ARHGAP28: variants seen among roughly 807,000 people sequenced by gnomAD.
ARHGAP28 encodes rho GTPase-activating protein 28.
Under a neutral mutation model 90.7 loss-of-function variants are expected in ARHGAP28, and 56 were observed. That is an observed-to-expected ratio of 0.62 (90% CI 0.50 to 0.77). ARHGAP28 has a LOEUF of 0.77. ARHGAP28 is among the 30% of genes least tolerant of loss of function. ARHGAP28 has a pLI of 0.00. For missense variants in ARHGAP28, 869 were observed against 900.9 expected (o/e 0.96, Z 0.45); for synonymous variants, 308 against 323.3 (o/e 0.95, Z 0.51).
chr18:6,893,820 CAAAG>C, intron 14 of ARHGAP28, among the ~76,000 whole-genome samples: 1 of 148,400 alleles, frequency 6.7e-6, no homozygotes, highest in East Asian at 2.0e-4. Context: ...CACTTAAAGA[CAAAG>C]AAATAGTTTT....
At chr18:6,767,324 T>G (rs2143379422) in intron 1 of ARHGAP28, among the ~76,000 whole-genome samples, 1 of 152,316 alleles carries the variant, frequency 6.6e-6, no homozygotes, top group Admixed American at 6.5e-5. Flanking sequence ...TTATCATTTT[T>G]GTTTCATACA....
At chr18:6,739,384 A>T (rs938981469) in intron 1 of ARHGAP28, among the ~76,000 whole-genome samples, 2 of 152,060 alleles carry the variant, frequency 1.3e-5, no homozygotes, top group African/African-American at 4.8e-5. Flanking sequence ...GTATGAATGG[A>T]TATATGAAAT....
At chr18:6,818,709 T>C (rs1189466851) in intron 1 of ARHGAP28, among the ~76,000 whole-genome samples, 1 of 152,144 alleles carries the variant, frequency 6.6e-6, no homozygotes, top group African/African-American at 2.4e-5. Context: ...CAGAAATTGC[T>C]TGGGGAGAAA....
intron 7 of ARHGAP28, 118 bp downstream of exon 7, chr18:6,870,850 G>T (rs559886160): frequency 1.7e-5 from 19 of 1,101,930 alleles, no homozygotes; most frequent in Admixed American, 5.4e-5. Flanking sequence ...CCCCAGGCTG[G>T]AGTGCAGTGG....
chr18:6,745,429 A>T (rs2056014677), intron 1 of ARHGAP28, among the ~76,000 whole-genome samples: 1 of 152,158 alleles, frequency 6.6e-6, no homozygotes, highest in African/African-American at 2.4e-5. Flanking sequence ...GACCTCCAGG[A>T]TTTCTGAAGC....
At chr18:6,779,226 A>G (rs1361212632) in intron 1 of ARHGAP28, among the ~76,000 whole-genome samples, 1 of 152,236 alleles carries the variant, frequency 6.6e-6, no homozygotes, top group African/African-American at 2.4e-5. Context: ...TGTGTACTGC[A>G]TATGAAAATA....
At chr18:6,875,074 A>G (rs2057120634) in intron 9 of ARHGAP28, 1 of 152,232 alleles carries the variant, frequency 6.6e-6, no homozygotes, top group Admixed American at 6.5e-5. Flanking sequence ...TAAAGGACAG[A>G]GTTTAAAATA....
At chr18:6,783,823 A>G (rs2056346084) in intron 1 of ARHGAP28, among the ~76,000 whole-genome samples, 1 of 152,004 alleles carries the variant, frequency 6.6e-6, no homozygotes. Flanking sequence ...ATCCCTAGGA[A>G]AACTGCGTTC....
At position 6,870,592 on chromosome 18, in the gene ARHGAP28, G is replaced by A. The variant is rs768630189; in HGVS notation, c.814G>A (p.Asp272Asn). The change falls in exon 7 of 18, where the codon GAT becomes AAT. Residue 272 changes from aspartate (D) to asparagine (N), a missense_variant and splice_region_variant. Physicochemically the swap from Asp to Asn is conservative, Grantham distance 23. Transcript: ENST00000383472. ...GQPVQNAISD[D>N]DFLEKNIPPE... ...TGTATTCTTTGTTTTGTCTTTAGATGATGATTTTCTGGAAAAGAACATTCC... is the reference window on the plus strand; with the variant it reads ...TGTATTCTTTGTTTTGTCTTTAGATAATGATTTTCTGGAAAAGAACATTCC... 6.2e-7 allele frequency: 1 copy of A among 1,608,784 alleles called. No individual in the cohort carries two copies. Among genetic ancestry groups the A allele is most frequent in the Non-Finnish European group, 8.5e-7 (1 of 1,176,856 alleles).
At chr18:6,911,455 A>G (rs933513905) in intron 17 of ARHGAP28, among the ~76,000 whole-genome samples, 10 of 61,000 alleles carry the variant, frequency 1.6e-4, no homozygotes, top group Admixed American at 2.8e-4. Context: ...CTTTTCTTTG[A>G]GACGGGATCT....
rs546951156 is a variant in ARHGAP28 at position 6,780,841 on chromosome 18, G to A, written c.123-43921G>A. Among the ~76,000 whole-genome samples the A allele has an allele frequency of 5.4e-5, 8 of 149,518 alleles. No individual in the cohort carries two copies. The East Asian group carries it at 5.9e-4, about 11-fold the overall frequency. On this transcript the variant is annotated intron_variant, in intron 1 of 17. Coordinates refer to ENST00000383472, the MANE Select transcript of ARHGAP28 (RefSeq NM_001366230.1). The stretch of plus-strand genomic sequence containing the variant: ...CGGGAGGTGGAGGTTGCAGTGAGCC[G>A]AGATCACGCCATTTGCACTCCAGCC...
At chr18:6,786,995 G>A (rs1461815492) in intron 1 of ARHGAP28, among the ~76,000 whole-genome samples, 3 of 151,848 alleles carry the variant, frequency 2.0e-5, no homozygotes, top group Non-Finnish European at 2.9e-5. Flanking sequence ...TGATGCCGAC[G>A]GATCACCTGA....
chr18:6,798,028 T>C (rs2143603757), intron 1 of ARHGAP28, among the ~76,000 whole-genome samples: 1 of 151,050 alleles, frequency 6.6e-6, no homozygotes, highest in East Asian at 2.0e-4. Context: ...TTTGAAAAGA[T>C]TTATTTTAAT....
intron 4 of ARHGAP28, among the ~76,000 whole-genome samples, chr18:6,858,104 G>A (rs1418959472): frequency 6.6e-6 from 1 of 151,942 alleles, no homozygotes; most frequent in Non-Finnish European, 1.5e-5. Flanking sequence ...CTCAAACTAG[G>A]AATTCATTCA....
chr18:6,879,892 C>T (rs1022579677), intron 10 of ARHGAP28, among the ~76,000 whole-genome samples: 15 of 152,128 alleles, frequency 9.9e-5, no homozygotes, highest in African/African-American at 3.6e-4. Flanking sequence ...TTGCTGAGTT[C>T]GGATAAAAGC....
chr18:6,774,847 G>A (rs934663773), intron 1 of ARHGAP28, among the ~76,000 whole-genome samples: 1 of 152,184 alleles, frequency 6.6e-6, no homozygotes, highest in Non-Finnish European at 1.5e-5. Flanking sequence ...GAGTTCTACA[G>A]GAAAGAGGTT....
intron 1 of ARHGAP28, among the ~76,000 whole-genome samples, chr18:6,797,481 A>G (rs990305801): frequency 2.6e-5 from 4 of 152,122 alleles, no homozygotes. Context: ...ATGAAACTGT[A>G]TATGATATTT....
In ARHGAP28 at chr18:6,904,407, T is replaced by C. The variant is rs116319198; in HGVS notation, c.2031-4553T>C. Among the ~76,000 whole-genome samples the C allele has an allele frequency of 6.2e-3, 941 of 152,070 alleles. 8 individuals are homozygous for C. The highest frequency in any genetic ancestry group is 0.021 in the African/African-American group (876 of 41,478). The stretch of plus-strand genomic sequence containing the variant: ...AGACTCCGTCTCAAAAATGAATAAA[T>C]AAATAAAATTTAAAAAATAAAATTA... On this transcript the variant is annotated intron_variant, in intron 16 of 17. Transcript: ENST00000383472.
chr18:6,795,431 G>T (rs1253940287), intron 1 of ARHGAP28, among the ~76,000 whole-genome samples: 3 of 151,958 alleles, frequency 2.0e-5, no homozygotes, highest in African/African-American at 4.8e-5. Flanking sequence ...TCCCAAGAAG[G>T]CACACAGCTG....
Sources: allele counts gnomAD v4.1 joint callset (sites outside exome capture counted in the v4.1 genomes callset), GRCh38; gene constraint gnomAD v4.1.1; transcripts MANE v1.5; gene names NCBI Gene and HGNC (gene_info 2026-07-23, HGNC 2026-07-21).